The following LDLRAD4 variants were observed in gnomAD, a reference collection of about 807,000 sequenced individuals.
LDLRAD4 encodes the protein low density lipoprotein receptor class A domain containing 4.
Under a neutral mutation model 17.0 loss-of-function variants are expected in LDLRAD4, and 5 were observed. The ratio of observed to expected loss-of-function variants is 0.29; its 90% CI spans 0.15 to 0.62. The LOEUF (loss-of-function observed/expected upper bound fraction) is 0.62. Among genes scored for constraint, LDLRAD4 ranks in the 20% least tolerant of loss-of-function variants. LDLRAD4 has a pLI of 0.84. For missense variants in LDLRAD4, 340 were observed against 424.7 expected, an observed-to-expected ratio of 0.80 and a Z score of 1.75; for synonymous variants, 168 against 171.8, an observed-to-expected ratio of 0.98 and a Z score of 0.17.
intron 2 of LDLRAD4, among the ~76,000 whole-genome samples, chr18:13,422,630 G>A (rs1458268479): frequency 9.2e-5 from 14 of 152,010 alleles, no homozygotes; most frequent in Admixed American, 3.3e-4. Flanking sequence ...CCCAGGTGTT[G>A]GAGGCTGCAG....
At chr18:13,309,875 C>A (rs2047129834) in intron 1 of LDLRAD4, among the ~76,000 whole-genome samples, 1 of 152,102 alleles carries the variant, frequency 6.6e-6, no homozygotes, top group South Asian at 2.1e-4. Flanking sequence ...GGCCTTCATC[C>A]CACAGGGTCT....
intron 2 of LDLRAD4, among the ~76,000 whole-genome samples, chr18:13,432,170 A>ATTCCCATGCTGTCAG: frequency 6.6e-6 from 1 of 152,340 alleles, no homozygotes; most frequent in Middle Eastern, 3.4e-3. Context: ...TCCCCACGGC[A>ATTCCCATGCTGTCAG]TTCCCATGCT....
intron 2 of LDLRAD4, among the ~76,000 whole-genome samples, chr18:13,412,904 G>A (rs968656594): frequency 6.6e-6 from 1 of 152,170 alleles, no homozygotes; most frequent in East Asian, 1.9e-4. Flanking sequence ...TCTATGAACC[G>A]AGCTGAGAAG....
chr18:13,301,792 A>G (rs931064043), intron 1 of LDLRAD4, among the ~76,000 whole-genome samples: 1 of 152,180 alleles, frequency 6.6e-6, no homozygotes, highest in Admixed American at 6.5e-5. Flanking sequence ...AAGAAACCAT[A>G]GGGACCAGGC....
chr18:13,241,946 C>G (rs2042676396), intron 1 of LDLRAD4: 1 of 152,370 alleles, frequency 6.6e-6, no homozygotes, highest in Admixed American at 6.5e-5. Flanking sequence ...CTGCAGAGGT[C>G]AAACTGGGGC....
At chr18:13,552,103 G>C (rs960562638) in intron 3 of LDLRAD4, among the ~76,000 whole-genome samples, 11 of 152,212 alleles carry the variant, frequency 7.2e-5, no homozygotes, top group African/African-American at 2.2e-4. Flanking sequence ...TTCCAACACA[G>C]AGGATCTCAT....
intron 3 of LDLRAD4, among the ~76,000 whole-genome samples, chr18:13,605,204 T>C (rs980889626): frequency 1.4e-4 from 21 of 152,182 alleles, no homozygotes. Context: ...ATTCTAGAAA[T>C]AGTGTCTCAA....
intron 3 of LDLRAD4, among the ~76,000 whole-genome samples, chr18:13,560,153 T>C (rs1245057023): frequency 6.6e-6 from 1 of 152,228 alleles, no homozygotes; most frequent in Non-Finnish European, 1.5e-5. Context: ...AGAGCAAATA[T>C]AGAAACCATG....
intron 3 of LDLRAD4, among the ~76,000 whole-genome samples, chr18:13,473,682 G>A (rs868796326): frequency 2.0e-4 from 10 of 51,122 alleles, no homozygotes; most frequent in Admixed American, 2.3e-4. Flanking sequence ...TATATATAAC[G>A]TTTACATTTT....
At chr18:13,445,669 CGT>C (rs779261679) in intron 3 of LDLRAD4, among the ~76,000 whole-genome samples, 42 of 147,098 alleles carry the variant, frequency 2.9e-4, no homozygotes, top group Non-Finnish European at 5.7e-4. Flanking sequence ...AGTGTGTTTG[CGT>C]GTGTGTGCAT....
At chr18:13,421,415 T>C (rs969327059) in intron 2 of LDLRAD4, among the ~76,000 whole-genome samples, 2 of 152,122 alleles carry the variant, frequency 1.3e-5, no homozygotes, top group Non-Finnish European at 2.9e-5. Context: ...GAGGTGAGCA[T>C]GCAGGGTGGC....
chr18:13,374,203 G>A (rs1295525771), intron 1 of LDLRAD4, among the ~76,000 whole-genome samples: 1 of 152,220 alleles, frequency 6.6e-6, no homozygotes, highest in Non-Finnish European at 1.5e-5. Context: ...AGAGGATGCT[G>A]CAGAGGCCAG....
At chr18:13,458,292 G>A (rs113167498) in intron 3 of LDLRAD4, among the ~76,000 whole-genome samples, 18 of 152,286 alleles carry the variant, frequency 1.2e-4, no homozygotes, top group East Asian at 1.2e-3. Context: ...GTAGAGCGGC[G>A]CGCTGCTTTA....
At chr18:13,518,550 G>T (rs2093905976) in intron 3 of LDLRAD4, among the ~76,000 whole-genome samples, 1 of 152,138 alleles carries the variant, frequency 6.6e-6, no homozygotes, top group African/African-American at 2.4e-5. Flanking sequence ...AACTTCCCGT[G>T]TTTATGCTGG....
At chr18:13,405,077 A>G (rs1039205272) in intron 2 of LDLRAD4, among the ~76,000 whole-genome samples, 4 of 151,992 alleles carry the variant, frequency 2.6e-5, no homozygotes, top group African/African-American at 9.7e-5. Context: ...CACGTTTGCT[A>G]TTTTGATAAA....
intron 3 of LDLRAD4, among the ~76,000 whole-genome samples, chr18:13,616,896 G>A (rs1679996031): frequency 6.6e-6 from 1 of 151,986 alleles, no homozygotes; most frequent in Non-Finnish European, 1.5e-5. Context: ...CCTGCCCCAG[G>A]CACCATGCCA....
chr18:13,315,250 C>T (rs539193629), intron 1 of LDLRAD4, among the ~76,000 whole-genome samples: 17 of 152,282 alleles, frequency 1.1e-4, no homozygotes, highest in South Asian at 4.1e-4. Flanking sequence ...CCAGAGTCAG[C>T]GCTCTCTGAA....
At chr18:13,496,493 G>C (rs774124794) in intron 3 of LDLRAD4, among the ~76,000 whole-genome samples, 1 of 152,180 alleles carries the variant, frequency 6.6e-6, no homozygotes, top group Non-Finnish European at 1.5e-5. Flanking sequence ...TAAATCTTTC[G>C]TGTGGAAGTT....
chr18:13,365,366 C>T (rs775781818), intron 1 of LDLRAD4, among the ~76,000 whole-genome samples: 1 of 152,200 alleles, frequency 6.6e-6, no homozygotes. Context: ...ATTAATGCCA[C>T]CTGAGGATGA....
Sources: allele counts gnomAD v4.1 joint callset (sites outside exome capture counted in the v4.1 genomes callset), GRCh38; gene constraint gnomAD v4.1.1; transcripts MANE v1.5; gene names NCBI Gene and HGNC (gene_info 2026-07-23, HGNC 2026-07-21).